The following CMIP variants were observed in gnomAD, a reference collection of about 807,000 sequenced individuals.
The protein encoded by CMIP is C-Maf-inducing protein.
In CMIP, 13 loss-of-function variants were observed where a neutral mutation model predicts 97.3. The ratio of observed to expected loss-of-function variants is 0.13; its 90% CI spans 0.09 to 0.21. The LOEUF is 0.21. Among genes scored for constraint, CMIP ranks in the 10% least tolerant of loss-of-function variants. The pLI, the probability that CMIP is intolerant of heterozygous loss-of-function variation, is 1.00. For missense variants in CMIP, 847 were observed against 1,024.9 expected (o/e 0.83, Z 2.37); for synonymous variants, 538 against 436.3 (o/e 1.23, Z -2.91).
intron 3 of CMIP, among the ~76,000 whole-genome samples, chr16:81,626,805 GTGT>G (rs1355725123): frequency 1.3e-4 from 17 of 135,236 alleles, no homozygotes; most frequent in East Asian, 2.6e-4. Context: ...GTGTGTGTGT[GTGT>G]GTGTGTGTGG....
At chr16:81,691,567 GTC>G (rs1483076436) in intron 10 of CMIP, 1 of 598,446 alleles carries the variant, frequency 1.7e-6, no homozygotes, top group East Asian at 2.8e-5. Context: ...CCATGAGGAA[GTC>G]TCTGCACAGG....
At chr16:81,608,042 A>C (rs2091773276) in intron 2 of CMIP, among the ~76,000 whole-genome samples, 1 of 152,246 alleles carries the variant, frequency 6.6e-6, no homozygotes, top group African/African-American at 2.4e-5. Flanking sequence ...AAGGCCGTGA[A>C]AAGCAGATGA....
intron 1 of CMIP, among the ~76,000 whole-genome samples, chr16:81,595,105 C>T (rs1205433720): frequency 6.6e-6 from 1 of 151,776 alleles, no homozygotes; most frequent in Non-Finnish European, 1.5e-5. Context: ...CCACTGGTAA[C>T]TGAAACCTCT....
chr16:81,546,150 G>A (rs1251174909), intron 1 of CMIP, among the ~76,000 whole-genome samples: 1 of 152,182 alleles, frequency 6.6e-6, no homozygotes, highest in Non-Finnish European at 1.5e-5. Flanking sequence ...CTGAAACCTC[G>A]TGGGGGCATC....
intron 1 of CMIP, among the ~76,000 whole-genome samples, chr16:81,590,813 T>C (rs1324887325): frequency 6.8e-6 from 1 of 146,596 alleles, no homozygotes; most frequent in Non-Finnish European, 1.5e-5. Flanking sequence ...AAACATATTC[T>C]CACTTTCTCT....
intron 1 of CMIP, among the ~76,000 whole-genome samples, chr16:81,504,793 GGAGA>G (rs2089678464): frequency 6.6e-6 from 1 of 152,302 alleles, no homozygotes; most frequent in African/African-American, 2.4e-5. Context: ...CAGCCTCTAG[GGAGA>G]GAAATGAGGA....
chr16:81,445,360 G>C lies in CMIP; in HGVS notation c.119G>C (p.Cys40Ser). The C allele has an allele frequency of 2.5e-6, 4 of 1,602,770 alleles. No individual in the cohort carries two copies. Among genetic ancestry groups the C allele is most frequent in the Non-Finnish European group, 3.4e-6 (4 of 1,175,172 alleles). The stretch of plus-strand genomic sequence containing the variant: ...GGCACGAAGATGGGCGCCGTGCCCT[G>C]CCGCCGGGCTCTTCTGCTTTGCAAC... ...PEGTKMGAVP[C>S]RRALLLCNGM... is the part of the protein sequence containing the mutation. Residue 40 changes from cysteine to serine, a missense_variant, in exon 1 of 21, where the codon TGC becomes TCC. Cys to Ser is a moderately radical substitution (Grantham distance 112, BLOSUM62 -1). Coordinates refer to ENST00000537098, the MANE Select transcript of CMIP (RefSeq NM_198390.3).
In CMIP at chr16:81,678,267, TC is replaced by T; in HGVS notation, c.1035-3del. ...TACTCATGTGCCCTCTCCCGCCTCT[TC>T]CCCCAGCCGCGACAATTCCCCAAGC... On this transcript the variant is annotated splice_region_variant and splice_polypyrimidine_tract_variant and intron_variant, in intron 9 of 20. Transcript: ENST00000537098. The T allele has an allele frequency of 2.5e-6, 4 of 1,576,022 alleles. No individual in the cohort carries two copies. The highest frequency in any genetic ancestry group is 2.3e-5 in the East Asian group (1 of 44,180).
chr16:81,469,985 TCTC>T (rs907528518), intron 1 of CMIP, among the ~76,000 whole-genome samples: 7 of 152,286 alleles, frequency 4.6e-5, no homozygotes, highest in South Asian at 2.1e-4. Context: ...GCCTCAGTGA[TCTC>T]CTGCATTTCC....
intron 2 of CMIP, among the ~76,000 whole-genome samples, chr16:81,610,881 T>C (rs184510096): frequency 2.0e-5 from 3 of 152,218 alleles, no homozygotes; most frequent in Admixed American, 2.0e-4. Context: ...TACAACATAC[T>C]GTATTAGATC....
intron 1 of CMIP, among the ~76,000 whole-genome samples, chr16:81,577,874 A>C (rs889398157): frequency 1.3e-5 from 2 of 149,584 alleles, no homozygotes; most frequent in Non-Finnish European, 2.9e-5. Context: ...CTTCATCATC[A>C]CCATCATCCC....
At chr16:81,536,070 C>A (rs2090337041) in intron 1 of CMIP, among the ~76,000 whole-genome samples, 3 of 152,136 alleles carry the variant, frequency 2.0e-5, no homozygotes, top group Admixed American at 2.0e-4. Context: ...TAAGCAGGGA[C>A]CCGAAGCATC....
chr16:81,465,426 C>T lies in CMIP; in HGVS notation c.300+19885C>T, dbSNP rs538253178. Among the ~76,000 whole-genome samples, 15 of 152,292 alleles carry T rather than the reference C, an allele frequency of 9.8e-5. 1 individual carries two copies. In the East Asian group the frequency reaches 2.5e-3, roughly 25 times the overall value. On this transcript the variant is annotated intron_variant, in intron 1 of 20. Coordinates refer to ENST00000537098, the MANE Select transcript of CMIP (RefSeq NM_198390.3). Reference sequence around the variant, plus strand: ...TCCTTGATAGGGGCAGGATGCACCCCGTGTCTGACGCTGTGTCCTGCTGTG... The same window carrying T: ...TCCTTGATAGGGGCAGGATGCACCCTGTGTCTGACGCTGTGTCCTGCTGTG...
intron 1 of CMIP, among the ~76,000 whole-genome samples, chr16:81,570,411 C>G (rs1417797063): frequency 6.6e-6 from 1 of 152,204 alleles, no homozygotes; most frequent in Non-Finnish European, 1.5e-5. Context: ...TTGGCTGCTT[C>G]TCAGTGGACT....
chr16:81,473,428 T>C (rs2927335), intron 1 of CMIP, among the ~76,000 whole-genome samples: 53,900 of 151,662 alleles, frequency 0.36, 9,990 homozygotes, highest in African/African-American at 0.47. Context: ...CAGTGGTGCG[T>C]TTTTGAATTT....
At chr16:81,663,694 G>A (rs142442986) in intron 6 of CMIP, among the ~76,000 whole-genome samples, 511 of 152,258 alleles carry the variant, frequency 3.4e-3, no homozygotes, top group African/African-American at 0.011. Context: ...CAGGGTATAC[G>A]TGCTACATTT....
intron 1 of CMIP, among the ~76,000 whole-genome samples, chr16:81,452,885 G>GTTTTTTTTTTTTTTT (rs558606255): frequency 7.7e-6 from 1 of 129,242 alleles, no homozygotes; most frequent in African/African-American, 2.9e-5. Context: ...TTTTTGTTTT[G>GTTTTTTTTTTTTTTT]TTTTTTTTTT....
chr16:81,455,617 A>G (rs548766612), intron 1 of CMIP, among the ~76,000 whole-genome samples: 2 of 151,946 alleles, frequency 1.3e-5, no homozygotes, highest in Admixed American at 1.3e-4. Context: ...TCTCCAACAC[A>G]TGGCCCAGCT....
At chr16:81,471,466 G>A (rs1441161264) in intron 1 of CMIP, among the ~76,000 whole-genome samples, 1 of 152,084 alleles carries the variant, frequency 6.6e-6, no homozygotes, top group African/African-American at 2.4e-5. Flanking sequence ...ACATACACAT[G>A]TATGCAGACA....
Sources: gnomAD v4.1 joint callset for allele counts (sites outside exome capture counted in the v4.1 genomes callset) on GRCh38, gnomAD v4.1.1 for gene constraint, MANE v1.5 for transcripts, NCBI Gene and HGNC (gene_info 2026-07-23, HGNC 2026-07-21) for gene names.